NFRKB: variants seen among roughly 807,000 people sequenced by gnomAD.
NFRKB encodes the protein nuclear factor related to kappaB binding protein, also known as nuclear factor related to kappa-B-binding protein.
A neutral mutation model predicts 135.7 loss-of-function variants in NFRKB; 62 were observed. The ratio of observed to expected loss-of-function variants is 0.46; its 90% CI spans 0.37 to 0.56. The LOEUF (loss-of-function observed/expected upper bound fraction) is 0.56, where lower values mean the gene tolerates loss of function less well. NFRKB is among the 20% of genes least tolerant of loss of function. The probability of loss-of-function intolerance (pLI) is 0.00; values close to 1 mark genes in which losing one functional copy is unlikely to be tolerated. For missense variants in NFRKB, 1,545 were observed against 1,662.0 expected (o/e 0.93, Z 1.22); for synonymous variants, 678 against 635.6 (o/e 1.07, Z -1.00).
At chr11:129,887,391 C>G (rs1949328094) in intron 4 of NFRKB, among the ~76,000 whole-genome samples, 1 of 152,180 alleles carries the variant, frequency 6.6e-6, no homozygotes, top group East Asian at 1.9e-4. Context: ...GCAGACACCC[C>G]TTAACCAAGT....
intron 24 of NFRKB, among the ~76,000 whole-genome samples, chr11:129,868,836 C>T (rs1948345314): frequency 6.6e-6 from 1 of 152,156 alleles, no homozygotes; most frequent in African/African-American, 2.4e-5. Flanking sequence ...TCGCGACCAG[C>T]ATGGAGAAAC....
intron 23 of NFRKB, 56 bp downstream of exon 23, chr11:129,872,828 G>A: frequency 2.0e-6 from 3 of 1,515,280 alleles, no homozygotes; most frequent in Non-Finnish European, 2.7e-6. Context: ...TCCAGCTCCA[G>A]TGGTCCCTGC....
At chr11:129,872,234 C>T (rs1009891342) in intron 23 of NFRKB, among the ~76,000 whole-genome samples, 11 of 152,148 alleles carry the variant, frequency 7.2e-5, no homozygotes, top group African/African-American at 2.4e-4. Context: ...AATACGAGTT[C>T]CGCGAGGGCA....
Position 129,870,195 on chromosome 11 carries a change from T to C in NFRKB, c.2830A>G (p.Asn944Asp), listed in dbSNP as rs1014976695. The change falls in exon 24 of 27, where the codon AAC becomes GAC. Residue 944 changes from asparagine to aspartate, a missense_variant. Physicochemically the swap from Asn to Asp is conservative, Grantham distance 23 (BLOSUM62 1). Around this residue, in one of 3 missense-constraint regions of NFRKB, gnomAD observed 753 missense variants for 804.3 expected, o/e 0.94. Coordinates refer to ENST00000682444, the MANE Select transcript of NFRKB (RefSeq NM_001143835.2). ...ACATCCTTACCCTGGATGCGGAAGTTAGTGGCTGTGAGTGGAATGCTGTTG... is the reference window on the plus strand; with the variant it reads ...ACATCCTTACCCTGGATGCGGAAGTCAGTGGCTGTGAGTGGAATGCTGTTG... ...TGNSIPLTAT[N>D]FRIQGKDVLR... is the part of the protein sequence containing the mutation. 1.2e-6 allele frequency: 2 copies of C among 1,614,056 alleles called. No individual in the cohort carries two copies. The highest frequency in any genetic ancestry group is 1.7e-6 in the Non-Finnish European group (2 of 1,180,032).
intron 17 of NFRKB, 123 bp from the exon 18 acceptor site, chr11:129,875,586 G>T (rs1948723920): frequency 1.5e-6 from 1 of 647,662 alleles, no homozygotes; most frequent in Non-Finnish European, 2.6e-6. Context: ...CTTCCCTGAT[G>T]CCGGATTAGG....
At chr11:129,881,920 C>A in intron 11 of NFRKB, 67 bp from the exon 12 acceptor site, 1 of 1,541,758 alleles carries the variant, frequency 6.5e-7, no homozygotes, top group Non-Finnish European at 8.7e-7. Context: ...ACACAAGTGC[C>A]ACCACAACCT....
intron 6 of NFRKB, 49 bp downstream of exon 6, chr11:129,885,386 C>T (rs757990184): frequency 5.2e-6 from 8 of 1,545,090 alleles, no homozygotes; most frequent in East Asian, 4.5e-5. Flanking sequence ...GACAAGTGGC[C>T]GGTATCCATC....
intron 5 of NFRKB, among the ~76,000 whole-genome samples, chr11:129,885,843 A>T (rs1322357236): frequency 1.3e-5 from 2 of 152,230 alleles, no homozygotes; most frequent in Non-Finnish European, 2.9e-5. Context: ...ACTTTTTTAT[A>T]CTAGACATTC....
rs527540882 is a variant in NFRKB, at chr11:129,882,426, T to A, written c.1082+25A>T. ...TGGCTTACCCATTCACCCTGAGAAT[T>A]ACAGAATCTCTGTTGCTCACTTACT... On this transcript the variant is annotated intron_variant, in intron 10 of 26. Coordinates refer to ENST00000682444, the MANE Select transcript of NFRKB (RefSeq NM_001143835.2). The A allele has an allele frequency of 3.1e-6, 5 of 1,609,340 alleles. No individual in the cohort carries two copies. The South Asian group carries it at 4.4e-5, about 14-fold the overall frequency.
At chr11:129,865,246 A>G (rs553192917) in intron 25 of NFRKB, 145 bp from the exon 26 acceptor site, 1 of 898,092 alleles carries the variant, frequency 1.1e-6, no homozygotes, top group East Asian at 2.6e-5. Flanking sequence ...CCAACTGCTG[A>G]GACCACCTTT....
Position 129,883,219 on chromosome 11 carries a change from T to C in NFRKB, c.817-13A>G. The C allele has an allele frequency of 1.2e-6, 2 of 1,612,984 alleles. No homozygotes were observed. Among genetic ancestry groups the C allele is most frequent in the South Asian group, 1.1e-5 (1 of 90,746 alleles). On this transcript the variant is annotated splice_polypyrimidine_tract_variant and intron_variant, in intron 8 of 26. Coordinates refer to ENST00000682444, the MANE Select transcript of NFRKB (RefSeq NM_001143835.2). ...GGTCCGGGTGATCCTAGATGTGATATCCAGAATTTGGTCATGGAGGCCCAA... is the reference window on the plus strand; with the variant it reads ...GGTCCGGGTGATCCTAGATGTGATACCCAGAATTTGGTCATGGAGGCCCAA...
At chr11:129,879,195 T>C (rs144740520) in intron 13 of NFRKB, among the ~76,000 whole-genome samples, 114 of 152,332 alleles carry the variant, frequency 7.5e-4, no homozygotes, top group African/African-American at 2.5e-3. Context: ...ATGTGATGAA[T>C]GCAGCTACCC....
In NFRKB at chr11:129,873,990, T is replaced by C. The variant is rs140561379; in HGVS notation, c.2305A>G (p.Met769Val). The C allele has an allele frequency of 3.3e-5, 53 of 1,612,936 alleles. No homozygotes were observed. Among genetic ancestry groups the C allele is most frequent in the Middle Eastern group, 3.3e-4 (2 of 6,060 alleles). Residue 769 changes from methionine to valine, a missense_variant, in exon 22 of 27, where the codon ATG becomes GTG. This residue lies in a region of NFRKB where 753 missense variants were observed against 804.3 expected (regional missense o/e 0.94). Coordinates refer to ENST00000682444, the MANE Select transcript of NFRKB (RefSeq NM_001143835.2). ...GAAAGCATTGTTCCCAGATGTGGCA[T>C]TGTTGGTGAAGACACCAGAAGAACA... ...SGVLLVSSPT[M>V]PHLGTMLSPA... is the part of the protein sequence containing the mutation.
At chr11:129,888,402 CTA>C (rs781250754) in intron 4 of NFRKB, 190 bp downstream of exon 4, 23 of 697,600 alleles carry the variant, frequency 3.3e-5, no homozygotes, top group Non-Finnish European at 5.7e-5. Flanking sequence ...TATGTATTTT[CTA>C]TATAAGTCAA....
chr11:129,890,002 T>A (rs923848773), intron 3 of NFRKB, among the ~76,000 whole-genome samples: 12 of 148,640 alleles, frequency 8.1e-5, no homozygotes, highest in African/African-American at 3.0e-4. Flanking sequence ...TATATACGCT[T>A]CTGTGTGATA....
intron 23 of NFRKB, among the ~76,000 whole-genome samples, chr11:129,871,738 G>T (rs1291805426): frequency 6.6e-6 from 1 of 152,140 alleles, no homozygotes; most frequent in African/African-American, 2.4e-5. Context: ...TCCTACAGGG[G>T]TTCCCCATTT....
In NFRKB at chr11:129,864,847, G is replaced by A. The variant is rs946732721; in HGVS notation, c.3778C>T (p.Arg1260Cys). Residue 1260 changes from arginine to cysteine, a missense_variant, in exon 27 of 27, where the codon CGC (arginine) becomes TGC (cysteine). By Grantham distance (180) the Arg-to-Cys change is radical (BLOSUM62 -3). Coordinates refer to ENST00000682444, the MANE Select transcript of NFRKB (RefSeq NM_001143835.2). ...TGGGATGCAGGGACAGTCTGGATGC[G>A]CACCTGTTTGCAAAGACAGAAGGTC... Reference protein sequence around the residue: ...LQQQGQATQVRIQTVPASHLQ... With the variant: ...LQQQGQATQVCIQTVPASHLQ... 1.2e-5 allele frequency: 19 copies of A among 1,614,016 alleles called. No individual in the cohort carries two copies. The African/African-American group carries it at 1.2e-4, about 10-fold the overall frequency.
At chr11:129,884,540 A>T (rs1306613338) in intron 7 of NFRKB, among the ~76,000 whole-genome samples, 3 of 152,228 alleles carry the variant, frequency 2.0e-5, no homozygotes, top group African/African-American at 4.8e-5. Context: ...AAAAAATTTT[A>T]AAACAAAAGA....
intron 24 of NFRKB, among the ~76,000 whole-genome samples, chr11:129,868,884 AT>A (rs1449657453): frequency 6.6e-6 from 1 of 152,150 alleles, no homozygotes; most frequent in Admixed American, 6.5e-5. Flanking sequence ...GCCGGGTGTG[AT>A]GACACATGCC....
Sources: allele counts gnomAD v4.1 joint callset (sites outside exome capture counted in the v4.1 genomes callset), GRCh38; gene constraint gnomAD v4.1.1; regional missense constraint gnomAD v4.1.1; transcripts MANE v1.5; gene names NCBI Gene and HGNC (gene_info 2026-07-23, HGNC 2026-07-21).